Variants in NRP1 observed in about 807,000 individuals in gnomAD.
NRP1 encodes the protein neuropilin 1, also known as neuropilin-1.
In NRP1, 35 loss-of-function variants were observed where a neutral mutation model predicts 106.7. The ratio of observed to expected loss-of-function variants is 0.33; its 90% CI spans 0.25 to 0.43. The LOEUF (loss-of-function observed/expected upper bound fraction) is 0.43, where lower values mean the gene tolerates loss of function less well. Ranked by LOEUF, NRP1 falls within the 20% of genes least tolerant of loss-of-function variation. The probability of loss-of-function intolerance (pLI) is 1.00; values close to 1 mark genes in which losing one functional copy is unlikely to be tolerated. For missense variants in NRP1, 1,024 were observed against 1,170.4 expected (o/e 0.87, Z 1.83); for synonymous variants, 437 against 417.9 (o/e 1.05, Z -0.56).
At chr10:33,257,625 A>G (rs1842287120) in intron 4 of NRP1, among the ~76,000 whole-genome samples, 1 of 115,574 alleles carries the variant, frequency 8.7e-6, no homozygotes, top group African/African-American at 3.9e-5. Flanking sequence ...ACTCTGTCTC[A>G]GAAAAACACA....
Position 33,185,676 on chromosome 10 carries a change from C to A in NRP1, c.2383G>T (p.Val795Leu). The change falls in exon 15 of 17, where the codon GTG (valine) becomes TTG (leucine). Residue 795 changes from valine (V) to leucine (L), a missense_variant. By Grantham distance (32) the Val-to-Leu change is conservative (BLOSUM62 1). This residue lies in a region of NRP1 where 164 missense variants were observed against 161.4 expected (regional missense o/e 1.02). Transcript: ENST00000374867. ...IGKGNLGGIA[V>L]DDISINNHIS... Reference sequence around the variant, plus strand: ...TGGTTATTAATACTAATGTCATCCACAGCAATCCCACCAAGGTTTCCTTTT... The same window carrying A: ...TGGTTATTAATACTAATGTCATCCAAAGCAATCCCACCAAGGTTTCCTTTT... 6.2e-7 allele frequency: 1 copy of A among 1,614,166 alleles called. No homozygotes were observed. The highest frequency in any genetic ancestry group is 8.5e-7 in the Non-Finnish European group (1 of 1,179,992).
At chr10:33,231,688 C>T (rs535750943) in intron 6 of NRP1, among the ~76,000 whole-genome samples, 2 of 152,178 alleles carry the variant, frequency 1.3e-5, no homozygotes, top group East Asian at 3.9e-4. Context: ...GTGTGCAAAA[C>T]GCGAACCCAT....
At chr10:33,194,624 C>A (rs750966341) in intron 12 of NRP1, 2 of 449,436 alleles carry the variant, frequency 4.5e-6, no homozygotes, top group African/African-American at 4.0e-5. Flanking sequence ...CCAGGTGAAC[C>A]GCTCTAAGTT....
rs1257099711 is a variant in NRP1, at chr10:33,177,642, GT to G, written c.*2433del. The G allele has an allele frequency of 6.6e-6, 1 of 152,548 alleles. No individual in the cohort carries two copies. The highest frequency in any genetic ancestry group is 1.5e-5 in the Non-Finnish European group (1 of 68,010). 9.4% of individuals were successfully genotyped at this position (152,548 alleles called of 1,614,324 possible). On this transcript the variant is annotated 3_prime_UTR_variant, in exon 17 of 17. Transcript: ENST00000374867. Reference sequence around the variant, plus strand: ...TGTCATTTAAAGTTAAGGCTTCGCTGTTCATTTTGAAACAACAATTTACAAG... The same window carrying G: ...TGTCATTTAAAGTTAAGGCTTCGCTGTCATTTTGAAACAACAATTTACAAG...
chr10:33,307,633 A>G (rs1421026562), intron 2 of NRP1, among the ~76,000 whole-genome samples: 1 of 152,190 alleles, frequency 6.6e-6, no homozygotes, highest in African/African-American at 2.4e-5. Flanking sequence ...TTCAGCAACC[A>G]CACTTCTAGA....
intron 9 of NRP1, chr10:33,211,397 T>G (rs1838290779): frequency 6.6e-6 from 1 of 152,164 alleles, no homozygotes; most frequent in Admixed American, 6.5e-5. Flanking sequence ...ACAGATCCAC[T>G]CAGAAGGAAC....
At chr10:33,244,545 T>A (rs1841272409) in intron 6 of NRP1, among the ~76,000 whole-genome samples, 2 of 152,218 alleles carry the variant, frequency 1.3e-5, no homozygotes. Context: ...CCAAAACAGA[T>A]GTGAAACCAT....
chr10:33,209,995 G>T (rs1163371642), intron 9 of NRP1, among the ~76,000 whole-genome samples: 1 of 152,190 alleles, frequency 6.6e-6, no homozygotes, highest in Non-Finnish European at 1.5e-5. Flanking sequence ...AGCCTAATAT[G>T]TGCTTGTTCG....
intron 4 of NRP1, among the ~76,000 whole-genome samples, chr10:33,257,555 G>A (rs1166297184): frequency 6.6e-6 from 1 of 152,146 alleles, no homozygotes; most frequent in African/African-American, 2.4e-5. Context: ...GACCCAGGAG[G>A]TGGAGGTTGC....
chr10:33,243,373 AT>A (rs1171250164), intron 6 of NRP1, among the ~76,000 whole-genome samples: 1 of 152,200 alleles, frequency 6.6e-6, no homozygotes, highest in African/African-American at 2.4e-5. Context: ...GAGTAAATTT[AT>A]TTTTAATAGA....
chr10:33,192,453 C>CAT, intron 12 of NRP1, 35 bp from the exon 13 acceptor site: 4 of 1,607,714 alleles, frequency 2.5e-6, no homozygotes, highest in Non-Finnish European at 3.4e-6. Context: ...AAGAGACAAG[C>CAT]AAAGAAAGGC....
intron 11 of NRP1, among the ~76,000 whole-genome samples, chr10:33,200,322 G>C (rs953137643): frequency 3.3e-5 from 5 of 152,152 alleles, no homozygotes; most frequent in Admixed American, 2.6e-4. Flanking sequence ...GACTTCAAAG[G>C]CATTTGCAAA....
chr10:33,330,605 G>T, intron 2 of NRP1, 103 bp downstream of exon 2: 2 of 918,246 alleles, frequency 2.2e-6, no homozygotes, highest in Admixed American at 3.4e-5. Flanking sequence ...ATCCCTCCTG[G>T]ATCCATTTAT....
At chr10:33,229,387 T>C (rs1839926911) in intron 6 of NRP1, among the ~76,000 whole-genome samples, 1 of 152,226 alleles carries the variant, frequency 6.6e-6, no homozygotes, top group Non-Finnish European at 1.5e-5. Flanking sequence ...TTAGTGCTTT[T>C]CTGACTGTCC....
intron 11 of NRP1, chr10:33,202,578 CTGAAAATAA>C (rs139666910): frequency 0.22 from 315,147 of 1,416,022 alleles, 43,347 homozygotes; most frequent in East Asian, 0.58. Context: ...GGGGGGGGGT[CTGAAAATAA>C]TGAAAATAAG....
At chr10:33,262,038 C>T (rs1842610998) in intron 4 of NRP1, among the ~76,000 whole-genome samples, 1 of 152,144 alleles carries the variant, frequency 6.6e-6, no homozygotes, top group Non-Finnish European at 1.5e-5. Context: ...ACCCGGTCTA[C>T]ATTTTACTTA....
chr10:33,223,000 C>T (rs1839379618), intron 7 of NRP1, among the ~76,000 whole-genome samples: 1 of 152,174 alleles, frequency 6.6e-6, no homozygotes, highest in South Asian at 2.1e-4. Context: ...ACTCTGCCTC[C>T]CTTTCCTGGA....
intron 2 of NRP1, among the ~76,000 whole-genome samples, chr10:33,283,464 C>T (rs74129648): frequency 0.044 from 6,748 of 152,184 alleles, 518 homozygotes; most frequent in African/African-American, 0.15. Flanking sequence ...CAAAATCAAT[C>T]TGTAATGCAG....
At chr10:33,204,421 C>T (rs980592056) in intron 10 of NRP1, among the ~76,000 whole-genome samples, 12 of 152,200 alleles carry the variant, frequency 7.9e-5, no homozygotes, top group Admixed American at 3.9e-4. Flanking sequence ...CACATACACC[C>T]GAATTCTGGC....
Sources: gnomAD v4.1 joint callset for allele counts (sites outside exome capture counted in the v4.1 genomes callset) on GRCh38, gnomAD v4.1.1 for gene constraint, gnomAD v4.1.1 regional missense constraint, MANE v1.5 for transcripts, NCBI Gene and HGNC (gene_info 2026-07-23, HGNC 2026-07-21) for gene names.